Variants in AGBL1 observed in about 807,000 individuals in gnomAD.
The protein encoded by AGBL1 is AGBL carboxypeptidase 1.
AGBL1 carries 130 observed loss-of-function variants against 118.9 expected under a neutral mutation model. The observed-to-expected ratio is 1.09, with a 90% CI of 0.95 to 1.26. AGBL1 has a LOEUF of 1.26. Ranked by LOEUF, AGBL1 falls within the 50% of genes most tolerant of loss-of-function variation. The probability of loss-of-function intolerance (pLI) is 0.00; values close to 1 mark genes in which losing one functional copy is unlikely to be tolerated. For missense variants in AGBL1, 1,584 were observed against 1,298.1 expected, an observed-to-expected ratio of 1.22 and a Z score of -3.38; for synonymous variants, 555 against 478.9, an observed-to-expected ratio of 1.16 and a Z score of -2.08.
At chr15:86,474,135 G>C (rs1231097727) in intron 18 of AGBL1, among the ~76,000 whole-genome samples, 4 of 152,176 alleles carry the variant, frequency 2.6e-5, no homozygotes, top group Non-Finnish European at 4.4e-5. Context: ...CAAGTCTACA[G>C]CTCCCAGTGT....
chr15:86,155,260 G>T (rs2077172483), intron 4 of AGBL1, among the ~76,000 whole-genome samples: 1 of 152,110 alleles, frequency 6.6e-6, no homozygotes, highest in Non-Finnish European at 1.5e-5. Context: ...TTGAGCCCAG[G>T]CATTTGAGAC....
At chr15:86,434,087 C>T (rs1055443820) in intron 18 of AGBL1, among the ~76,000 whole-genome samples, 8 of 152,296 alleles carry the variant, frequency 5.3e-5, no homozygotes, top group South Asian at 2.1e-4. Context: ...CTGAAATATT[C>T]GATCATTCAC....
chr15:86,470,581 A>G (rs867444768), intron 18 of AGBL1, among the ~76,000 whole-genome samples: 2 of 152,150 alleles, frequency 1.3e-5, no homozygotes, highest in Non-Finnish European at 2.9e-5. Context: ...GAAAAATACC[A>G]TTGTAATTTT....
chr15:86,670,214 G>A (rs986733339), intron 21 of AGBL1, among the ~76,000 whole-genome samples: 6 of 151,976 alleles, frequency 3.9e-5, no homozygotes, highest in African/African-American at 1.5e-4. Flanking sequence ...AAATGTTATG[G>A]AGCCACTGCC....
intron 18 of AGBL1, among the ~76,000 whole-genome samples, chr15:86,478,529 T>A (rs1287629807): frequency 1.3e-5 from 2 of 152,248 alleles, no homozygotes; most frequent in East Asian, 3.9e-4. Context: ...TTACAAGGGA[T>A]GTGAAGGACC....
intron 1 of AGBL1, among the ~76,000 whole-genome samples, chr15:86,099,813 A>G (rs979568149): frequency 6.6e-6 from 1 of 152,090 alleles, no homozygotes; most frequent in Non-Finnish European, 1.5e-5. Context: ...CCTGGTTCCA[A>G]TTAGATGCCT....
chr15:86,149,944 A>G lies in AGBL1; in HGVS notation c.263-4486A>G, dbSNP rs12324051. On this transcript the variant is annotated intron_variant, in intron 3 of 22. Coordinates refer to ENST00000614907, the MANE Select transcript of AGBL1 (RefSeq NM_001386094.1). ...CAAACTGTCTCTCAGACCACAGTGT[A>G]ATCAAATTAGAACTCAGGATTAAGA... 4.4e-3 allele frequency among the ~76,000 whole-genome samples: 674 copies of G among 152,348 alleles called. 5 individuals are homozygous for G. Among genetic ancestry groups the G allele is most frequent in the African/African-American group, 0.016 (647 of 41,572 alleles).
intron 7 of AGBL1, 101 bp from the exon 8 acceptor site, chr15:86,256,752 A>G: frequency 1.7e-6 from 2 of 1,173,130 alleles, no homozygotes; most frequent in Non-Finnish European, 1.2e-6. Flanking sequence ...CACAGCTAGG[A>G]GACTGTGCTG....
At chr15:86,390,629 G>A (rs2141979065) in intron 17 of AGBL1, among the ~76,000 whole-genome samples, 1 of 144,220 alleles carries the variant, frequency 6.9e-6, no homozygotes. Flanking sequence ...CTAAGTTAAA[G>A]AAGCCAGGCA....
intron 23 of AGBL1, among the ~76,000 whole-genome samples, chr15:86,987,676 T>C (rs1280136845): frequency 1.3e-5 from 2 of 152,180 alleles, no homozygotes; most frequent in Non-Finnish European, 2.9e-5. Flanking sequence ...TCTAATGATA[T>C]AATCGTGTTT....
chr15:86,910,582 G>C lies in AGBL1; in HGVS notation c.*3288G>C, dbSNP rs550686383. 6.6e-6 allele frequency: 1 copy of C among 152,318 alleles called. No homozygotes were observed. Among genetic ancestry groups the C allele is most frequent in the South Asian group, 2.1e-4 (1 of 4,824 alleles). 9.4% of individuals were successfully genotyped at this position (152,318 alleles called of 1,614,324 possible). A position where few individuals can be genotyped will look rare whatever the true frequency, so the allele number is the denominator to read the frequency against. ...GTAGTTTGAGGAGTGCCCCAGGTGT[G>C]ATACTACTATATTTGAAGAGCAGAA... On this transcript the variant is annotated 3_prime_UTR_variant, in exon 23 of 23. Transcript: ENST00000614907.
intron 17 of AGBL1, among the ~76,000 whole-genome samples, chr15:86,308,411 A>G (rs1378240319): frequency 6.6e-6 from 1 of 152,184 alleles, no homozygotes; most frequent in African/African-American, 2.4e-5. Flanking sequence ...GTGGCCATCT[A>G]CAAGCCAGGA....
At chr15:86,167,397 C>T (rs996714053) in intron 5 of AGBL1, among the ~76,000 whole-genome samples, 5 of 152,084 alleles carry the variant, frequency 3.3e-5, no homozygotes, top group Admixed American at 3.3e-4. Context: ...AGGTGCCCAC[C>T]ATCATGCCCA....
intron 14 of AGBL1, among the ~76,000 whole-genome samples, chr15:86,270,549 T>C (rs1465032357): frequency 1.3e-5 from 2 of 152,214 alleles, no homozygotes; most frequent in Non-Finnish European, 2.9e-5. Context: ...GAGCAGGCTG[T>C]ATTTATTTCA....
chr15:86,249,126 G>A (rs769580043), intron 7 of AGBL1, among the ~76,000 whole-genome samples: 5 of 152,116 alleles, frequency 3.3e-5, no homozygotes, highest in African/African-American at 4.8e-5. Flanking sequence ...GGCTACATAT[G>A]CCCTCCTTAT....
chr15:86,707,959 A>AC (rs889941451), intron 22 of AGBL1, among the ~76,000 whole-genome samples: 44 of 152,254 alleles, frequency 2.9e-4, no homozygotes, highest in African/African-American at 1.0e-3. Context: ...TCCAACACAG[A>AC]CCACAATTCT....
chr15:86,847,801 C>T (rs1409263790), intron 22 of AGBL1, among the ~76,000 whole-genome samples: 1 of 152,156 alleles, frequency 6.6e-6, no homozygotes, highest in African/African-American at 2.4e-5. Flanking sequence ...TTAAGTCTAC[C>T]TTAAATGTGT....
At position 86,851,109 on chromosome 15, in the gene AGBL1, A is replaced by G. The variant is rs1029366943; in HGVS notation, c.3159-55978A>G. Among the ~76,000 whole-genome samples, 4 of 152,206 alleles carry G rather than the reference A, an allele frequency of 2.6e-5. No homozygotes were observed. In the East Asian group the frequency reaches 7.7e-4, roughly 29 times the overall value. On this transcript the variant is annotated intron_variant, in intron 22 of 22. Transcript: ENST00000614907. The stretch of plus-strand genomic sequence containing the variant: ...GTGAGTGATGTCACCAATCACAGCA[A>G]TGGAAAGATCACTTGCTCTTATCCC...
At chr15:86,937,419 T>C (rs960365096) in intron 23 of AGBL1, among the ~76,000 whole-genome samples, 2 of 152,210 alleles carry the variant, frequency 1.3e-5, no homozygotes, top group Admixed American at 6.5e-5. Flanking sequence ...TCATCAGTCG[T>C]AGACTGGATA....
Sources: allele counts gnomAD v4.1 joint callset (sites outside exome capture counted in the v4.1 genomes callset), GRCh38; gene constraint gnomAD v4.1.1; transcripts MANE v1.5; gene names NCBI Gene and HGNC (gene_info 2026-07-23, HGNC 2026-07-21).